STK36: variants seen among roughly 807,000 people sequenced by gnomAD.
STK36 encodes the protein serine/threonine kinase 36.
A neutral mutation model predicts 142.2 loss-of-function variants in STK36; 116 were observed. The ratio of observed to expected loss-of-function variants is 0.82; its 90% CI spans 0.70 to 0.95. The LOEUF is 0.95. Among genes scored for constraint, STK36 ranks in the 40% least tolerant of loss-of-function variants. The probability of loss-of-function intolerance (pLI) is 0.00; values close to 1 mark genes in which losing one functional copy is unlikely to be tolerated. For missense variants in STK36, 1,422 were observed against 1,617.2 expected (o/e 0.88, Z 2.07); for synonymous variants, 619 against 641.7 (o/e 0.96, Z 0.53).
At chr2:218,679,866 T>G (rs1214331361) in intron 8 of STK36, 27 bp from the exon 9 acceptor site, 4 of 1,609,248 alleles carry the variant, frequency 2.5e-6, no homozygotes, top group Middle Eastern at 1.7e-4. Context: ...ATAGCTCTGA[T>G]TCAGTGTTGC....
At chr2:218,690,918 A>G (rs1476677155) in intron 14 of STK36, among the ~76,000 whole-genome samples, 1 of 152,248 alleles carries the variant, frequency 6.6e-6, no homozygotes, top group Non-Finnish European at 1.5e-5. Flanking sequence ...CATCTCTGCT[A>G]GCATTTGAAG....
chr2:218,693,304 C>T lies in STK36; in HGVS notation c.2108C>T (p.Ser703Phe), dbSNP rs374625579. Residue 703 changes from serine to phenylalanine, a missense_variant, in exon 17 of 27, where the codon TCT (serine) becomes TTT (phenylalanine). Physicochemically the swap from Ser to Phe is radical, Grantham distance 155 (BLOSUM62 -2). Transcript: ENST00000295709. ...AGCCAGCTCAGGCCATCCCTCATCT[C>T]TGGCCTGCAGCATCCCATCCTGTGC... ...DSSQLRPSLISGLQHPILCLH... is the reference protein window; with the variant it reads ...DSSQLRPSLIFGLQHPILCLH... 6.8e-6 allele frequency: 11 copies of T among 1,614,112 alleles called. No homozygotes were observed. Among genetic ancestry groups the T allele is most frequent in the Non-Finnish European group, 9.3e-6 (11 of 1,180,050 alleles).
chr2:218,672,245 G>A, intron 1 of STK36, 30 bp downstream of exon 1: 1 of 541,112 alleles, frequency 1.8e-6, no homozygotes, highest in Non-Finnish European at 3.3e-6. Flanking sequence ...GAGACCGGAG[G>A]GAGAGGCGGG....
chr2:218,672,539 G>A (rs1158321717), intron 1 of STK36: 2 of 393,824 alleles, frequency 5.1e-6, no homozygotes, highest in Non-Finnish European at 9.5e-6. Flanking sequence ...GGGAGAAGGG[G>A]AACCAGGTGT....
chr2:218,680,562 T>C (rs373383338), intron 9 of STK36, 41 bp from the exon 10 acceptor site: 2 of 1,545,110 alleles, frequency 1.3e-6, no homozygotes, highest in Non-Finnish European at 1.8e-6. Flanking sequence ...CTAAGAGTCA[T>C]AGGTTTGGAA....
At chr2:218,695,238 T>A (rs1941180691) in intron 21 of STK36, among the ~76,000 whole-genome samples, 1 of 146,222 alleles carries the variant, frequency 6.8e-6, no homozygotes, top group Non-Finnish European at 1.5e-5. Context: ...TTTTTTTTTT[T>A]TTTTTTTGAG....
At position 218,693,341 on chromosome 2, in the gene STK36, C is replaced by T; in HGVS notation, c.2145C>T (p.Leu715=). The T allele has an allele frequency of 6.2e-7, 1 of 1,613,858 alleles. No homozygotes were observed. Among genetic ancestry groups the T allele is most frequent in the Non-Finnish European group, 8.5e-7 (1 of 1,179,776 alleles). ...ATCCCATCCTGTGCCTGCACCTTCT[C>T]AAGGTAATCCTCTTAACTCCTGGCA... is the stretch of plus-strand genomic sequence containing the variant. ...LQHPILCLHL[L]KVLYSCCLVS... The change falls in exon 17 of 27, where the codon CTC becomes CTT. Residue 715 remains leucine (L), a synonymous_variant. Coordinates refer to ENST00000295709, the MANE Select transcript of STK36 (RefSeq NM_015690.5).
In STK36 at chr2:218,693,808, T is replaced by C; in HGVS notation, c.2234T>C (p.Leu745Ser). 2 of 1,614,184 alleles carry C rather than the reference T, an allele frequency of 1.2e-6. No homozygotes were observed. The highest frequency in any genetic ancestry group is 1.7e-6 in the Non-Finnish European group (2 of 1,180,042). The change falls in exon 18 of 27, where the codon TTG (leucine) becomes TCG (serine). Residue 745 changes from leucine (L) to serine (S), a missense_variant. This residue lies in a region of STK36 where 962 missense variants were observed against 1,167.5 expected (regional missense o/e 0.82). Coordinates refer to ENST00000295709, the MANE Select transcript of STK36 (RefSeq NM_015690.5). The stretch of plus-strand genomic sequence containing the variant: ...CTGGCCTTGGAATCCCTGTTTATGT[T>C]GATTCAGGGCAAGGTAAGCCAGCTT... ...EPLALESLFM[L>S]IQGKVKVVDW...
intron 16 of STK36, 115 bp downstream of exon 16, chr2:218,692,825 TC>T: frequency 7.3e-7 from 1 of 1,373,524 alleles, no homozygotes; most frequent in Non-Finnish European, 9.6e-7. Flanking sequence ...CTTTAGTACT[TC>T]CAGAAACAGA....
intron 5 of STK36, 96 bp from the exon 6 acceptor site, chr2:218,675,933 C>T: frequency 9.3e-6 from 14 of 1,507,720 alleles, no homozygotes; most frequent in Non-Finnish European, 1.3e-5. Context: ...AAAGGTGCTC[C>T]CTCTGCTCCG....
chr2:218,681,980 T>C lies in STK36; in HGVS notation c.1236+1278T>C, dbSNP rs1940541716. Among the ~76,000 whole-genome samples, 6 of 152,166 alleles carry C rather than the reference T, an allele frequency of 3.9e-5. No homozygotes were observed. In the South Asian group the frequency reaches 1.2e-3, roughly 31 times the overall value. ...TTTGCTCTTGTTGCCCAGGCTGGAGTGCAACGGCACGATCTTGGCTCACTG... is the reference window on the plus strand; with the variant it reads ...TTTGCTCTTGTTGCCCAGGCTGGAGCGCAACGGCACGATCTTGGCTCACTG... On this transcript the variant is annotated intron_variant, in intron 10 of 26. Coordinates refer to ENST00000295709, the MANE Select transcript of STK36 (RefSeq NM_015690.5).
intron 6 of STK36, among the ~76,000 whole-genome samples, chr2:218,676,803 G>A (rs1940272027): frequency 6.7e-6 from 1 of 148,802 alleles, no homozygotes; most frequent in African/African-American, 2.5e-5. Context: ...TGCCCACCAC[G>A]ACACCCGGCT....
At chr2:218,693,436 AAG>A in intron 17 of STK36, 92 bp downstream of exon 17, 5 of 1,260,598 alleles carry the variant, frequency 4.0e-6, no homozygotes, top group Admixed American at 2.1e-5. Flanking sequence ...GGAGGACTAA[AAG>A]AGAGAGAGAC....
Position 218,680,517 on chromosome 2 carries a change from T to C in STK36, c.1137-86T>C, listed in dbSNP as rs536037663. 4 of 1,110,096 alleles carry C rather than the reference T, an allele frequency of 3.6e-6. No homozygotes were observed. The African/African-American group carries it at 4.7e-5, about 13-fold the overall frequency. 68.8% of individuals were successfully genotyped at this position (1,110,096 alleles called of 1,614,324 possible). A position where few individuals can be genotyped will look rare whatever the true frequency, so the allele number is the denominator to read the frequency against. On this transcript the variant is annotated intron_variant, in intron 9 of 26. Transcript: ENST00000295709. Reference sequence around the variant, plus strand: ...CTATATGGCTTCTTTCTCATTCTTATCCTGGGTCTACAGAGAGGGACAAGT... The same window carrying C: ...CTATATGGCTTCTTTCTCATTCTTACCCTGGGTCTACAGAGAGGGACAAGT...
intron 11 of STK36, among the ~76,000 whole-genome samples, chr2:218,688,065 G>C (rs1053901516): frequency 2.6e-5 from 4 of 152,182 alleles, no homozygotes; most frequent in Non-Finnish European, 5.9e-5. Flanking sequence ...GGCTGAGGCA[G>C]GAGAATCACT....
chr2:218,696,862 GAGGGTT>G, intron 22 of STK36, 171 bp from the exon 23 acceptor site: 2 of 1,021,280 alleles, frequency 2.0e-6, no homozygotes, highest in Non-Finnish European at 3.1e-6. Flanking sequence ...TGTGAGGTCA[GAGGGTT>G]AAGGTTTGAT....
intron 11 of STK36, among the ~76,000 whole-genome samples, chr2:218,687,213 A>G (rs1446673124): frequency 1.3e-5 from 2 of 152,196 alleles, no homozygotes; most frequent in Non-Finnish European, 2.9e-5. Flanking sequence ...TTGTCTTTTC[A>G]TTCTTTCTCA....
intron 10 of STK36, among the ~76,000 whole-genome samples, chr2:218,683,512 A>G (rs1209184408): frequency 6.6e-6 from 1 of 151,982 alleles, no homozygotes; most frequent in African/African-American, 2.4e-5. Flanking sequence ...TGACCTTGTG[A>G]TCTGCCCGCC....
chr2:218,684,291 A>G (rs1940676280), intron 10 of STK36, among the ~76,000 whole-genome samples: 1 of 141,262 alleles, frequency 7.1e-6, no homozygotes, highest in Non-Finnish European at 1.5e-5. Flanking sequence ...TTGTATTTTT[A>G]GTAGAGATGG....
Sources: allele counts gnomAD v4.1 joint callset (sites outside exome capture counted in the v4.1 genomes callset), GRCh38; gene constraint gnomAD v4.1.1; regional missense constraint gnomAD v4.1.1; transcripts MANE v1.5; gene names NCBI Gene and HGNC (gene_info 2026-07-23, HGNC 2026-07-21).